Variants in MAGI1 observed in about 807,000 individuals in gnomAD.
MAGI1 encodes membrane associated guanylate kinase, WW and PDZ domain containing 1.
A neutral mutation model predicts 139.9 loss-of-function variants in MAGI1; 58 were observed. That is an observed-to-expected ratio of 0.41 (90% CI 0.34 to 0.52). MAGI1 has a LOEUF of 0.52. MAGI1 is among the 20% of genes least tolerant of loss of function. The pLI, the probability that MAGI1 is intolerant of heterozygous loss-of-function variation, is 0.12. For missense variants in MAGI1, 1,874 were observed against 1,901.6 expected (o/e 0.99, Z 0.27); for synonymous variants, 812 against 737.9 (o/e 1.10, Z -1.63).
chr3:65,552,259 GGTGT>G (rs10576104), intron 2 of MAGI1, among the ~76,000 whole-genome samples: 27,977 of 147,916 alleles, frequency 0.19, 3,026 homozygotes, highest in Middle Eastern at 0.32. Flanking sequence ...TGTGTATAGG[GGTGT>G]GTGTGTGTGT....
At chr3:65,953,797 G>A (rs2063979791) in intron 1 of MAGI1, among the ~76,000 whole-genome samples, 1 of 152,200 alleles carries the variant, frequency 6.6e-6, no homozygotes, top group Non-Finnish European at 1.5e-5. Context: ...ACCACTGAAA[G>A]AGAGAAGCAG....
chr3:65,395,352 A>G lies in MAGI1; in HGVS notation c.2200-3994T>C, dbSNP rs114128448. Among the ~76,000 whole-genome samples the G allele has an allele frequency of 6.0e-3, 907 of 152,082 alleles. 4 individuals are homozygous for G. Among genetic ancestry groups the G allele is most frequent in the African/African-American group, 0.02 (849 of 41,502 alleles). ...GACTCTGGAAGAACCCTACTAACAG[A>G]AAGAGAAGGCTGGGCATGATGGCTC... is the stretch of plus-strand genomic sequence containing the variant. On this transcript the variant is annotated intron_variant, in intron 13 of 22. Coordinates refer to ENST00000402939, the MANE Select transcript of MAGI1 (RefSeq NM_001033057.2).
chr3:66,037,051 C>A (rs565186870), intron 1 of MAGI1, among the ~76,000 whole-genome samples: 6 of 152,160 alleles, frequency 3.9e-5, no homozygotes, highest in East Asian at 3.9e-4. Flanking sequence ...GTCATCCCCC[C>A]ACTCCTTCCT....
intron 1 of MAGI1, among the ~76,000 whole-genome samples, chr3:65,681,495 G>A (rs760582203): frequency 2.6e-5 from 4 of 152,158 alleles, no homozygotes; most frequent in Non-Finnish European, 5.9e-5. Context: ...CACTTCATAT[G>A]TTTATATATC....
rs1020803528 is a variant in MAGI1, at chr3:66,038,597, CAG to C, written c.-291_-290del. ...GGCGCCCGCCCGTGCTCTCCCGGAC[CAG>C]AGTCCACTCTGCGCCGCTCGGGTTA... On this transcript the variant is annotated 5_prime_UTR_variant, in exon 1 of 23. Coordinates refer to ENST00000402939, the MANE Select transcript of MAGI1 (RefSeq NM_001033057.2). 23 of 424,942 alleles carry C rather than the reference CAG, an allele frequency of 5.4e-5. No individual in the cohort carries two copies. Among genetic ancestry groups the C allele is most frequent in the Non-Finnish European group, 9.1e-5 (22 of 242,294 alleles). The allele number at this position is 424,942 out of a possible 1,614,324, so 26.3% of individuals were successfully genotyped here.
chr3:65,417,740 A>G (rs539627892), intron 12 of MAGI1, among the ~76,000 whole-genome samples: 12 of 152,288 alleles, frequency 7.9e-5, no homozygotes, highest in Non-Finnish European at 1.6e-4. Flanking sequence ...GGGCAAGAGT[A>G]AGGACAGATG....
intron 1 of MAGI1, among the ~76,000 whole-genome samples, chr3:65,632,819 T>C (rs2107168864): frequency 6.6e-6 from 1 of 152,300 alleles, no homozygotes; most frequent in Admixed American, 6.5e-5. Flanking sequence ...ATGTTGGTCA[T>C]GCCTCTTCAG....
chr3:65,681,032 G>A (rs1191376325), intron 1 of MAGI1, among the ~76,000 whole-genome samples: 1 of 152,168 alleles, frequency 6.6e-6, no homozygotes, highest in African/African-American at 2.4e-5. Flanking sequence ...CACAGATCCA[G>A]ACCTATTTAA....
At chr3:65,783,517 GTC>G (rs904936555) in intron 1 of MAGI1, among the ~76,000 whole-genome samples, 10 of 151,996 alleles carry the variant, frequency 6.6e-5, no homozygotes, top group Non-Finnish European at 1.5e-4. Context: ...TTGAGACAGG[GTC>G]TCACTCTGTC....
intron 1 of MAGI1, among the ~76,000 whole-genome samples, chr3:65,641,434 T>C (rs190660219): frequency 0.012 from 1,761 of 152,312 alleles, 39 homozygotes; most frequent in Non-Finnish European, 0.012. Flanking sequence ...GTATTTTTTT[T>C]CTAATCTCCA....
Position 65,721,202 on chromosome 3 carries a change from G to A in MAGI1, c.314-99114C>T, listed in dbSNP as rs77093641. Among the ~76,000 whole-genome samples, 509 of 152,208 alleles carry A rather than the reference G, an allele frequency of 3.3e-3. 1 individual carries two copies. The highest frequency in any genetic ancestry group is 0.014 in the Middle Eastern group (4 of 294). Reference sequence around the variant, plus strand: ...CACTCCCAGCATACACTGGAATTCTGACTCCAGGGTATAACATAACACACA... The same window carrying A: ...CACTCCCAGCATACACTGGAATTCTAACTCCAGGGTATAACATAACACACA... On this transcript the variant is annotated intron_variant, in intron 1 of 22. Transcript: ENST00000402939.
Position 66,038,751 on chromosome 3 carries a change from AGTTG to A in MAGI1, c.-447_-444del, listed in dbSNP as rs1163721555. 6.2e-6 allele frequency: 1 copy of A among 161,210 alleles called. No homozygotes were observed. Among genetic ancestry groups the A allele is most frequent in the African/African-American group, 2.4e-5 (1 of 41,732 alleles). The allele number at this position is 161,210 out of a possible 1,614,324, so 10.0% of individuals were successfully genotyped here. The stretch of plus-strand genomic sequence containing the variant: ...GAGGGTGAGGGAAGCCCTTCCAGCC[AGTTG>A]CCGGGAGCCCTGAAGACGCGGTGGC... On this transcript the variant is annotated 5_prime_UTR_variant, in exon 1 of 23. Transcript: ENST00000402939.
chr3:65,659,333 G>T (rs1036572697), intron 1 of MAGI1, among the ~76,000 whole-genome samples: 2 of 152,146 alleles, frequency 1.3e-5, no homozygotes, highest in African/African-American at 4.8e-5. Flanking sequence ...AGCTACAAAA[G>T]CTATGAGTTG....
intron 2 of MAGI1, among the ~76,000 whole-genome samples, chr3:65,581,230 G>A (rs771886403): frequency 2.2e-4 from 34 of 152,158 alleles, no homozygotes; most frequent in Non-Finnish European, 4.4e-4. Context: ...AGTCAAAAAG[G>A]GGGCAGCACA....
intron 2 of MAGI1, among the ~76,000 whole-genome samples, chr3:65,577,040 C>T (rs907672420): frequency 6.6e-6 from 1 of 152,178 alleles, no homozygotes; most frequent in Non-Finnish European, 1.5e-5. Context: ...TACCATGGCA[C>T]ATTAAGTTCG....
rs139207771 is a variant in MAGI1 at position 65,557,994 on chromosome 3, C to T, written c.430+63978G>A. ...CAATAGGGAGATAAACTGCCTTCTA[C>T]CCACGAGTCAATTAATAACAATAAA... On this transcript the variant is annotated intron_variant, in intron 2 of 22. Transcript: ENST00000402939. 6.5e-4 allele frequency among the ~76,000 whole-genome samples: 99 copies of T among 152,256 alleles called. No individual in the cohort carries two copies. In the Middle Eastern group the frequency reaches 0.014, roughly 21 times the overall value.
intron 1 of MAGI1, among the ~76,000 whole-genome samples, chr3:65,912,051 T>G (rs2061691632): frequency 6.6e-6 from 1 of 152,192 alleles, no homozygotes; most frequent in Non-Finnish European, 1.5e-5. Flanking sequence ...ATGATAGAAC[T>G]TGAAAGGGAA....
chr3:65,722,891 G>A (rs2033198319), intron 1 of MAGI1, among the ~76,000 whole-genome samples: 1 of 152,108 alleles, frequency 6.6e-6, no homozygotes, highest in Admixed American at 6.5e-5. Flanking sequence ...TGTGGGGGTA[G>A]GGGAGGGGTG....
chr3:65,702,285 C>A (rs1406286272), intron 1 of MAGI1, among the ~76,000 whole-genome samples: 1 of 152,184 alleles, frequency 6.6e-6, no homozygotes, highest in African/African-American at 2.4e-5. Context: ...AAAATCAACG[C>A]ACAAACACAA....
Sources: allele counts gnomAD v4.1 joint callset (sites outside exome capture counted in the v4.1 genomes callset), GRCh38; gene constraint gnomAD v4.1.1; transcripts MANE v1.5; gene names NCBI Gene and HGNC (gene_info 2026-07-23, HGNC 2026-07-21).